The following FAM149A variants were observed in gnomAD, a reference collection of about 807,000 sequenced individuals.
FAM149A encodes the protein family with sequence similarity 149 member A.
Under a neutral mutation model 78.2 loss-of-function variants are expected in FAM149A, and 71 were observed. The observed-to-expected ratio is 0.91, with a 90% CI of 0.75 to 1.11. FAM149A has a LOEUF of 1.11. Ranked by LOEUF, FAM149A falls within the 50% of genes least tolerant of loss-of-function variation. FAM149A has a pLI of 0.00. For synonymous variants in FAM149A, 446 were observed against 410.5 expected (o/e 1.09, Z -1.04); for missense variants, 1,036 against 971.0 (o/e 1.07, Z -0.89).
intron 1 of FAM149A, among the ~76,000 whole-genome samples, chr4:186,129,761 GTT>G (rs2099319795): frequency 6.6e-6 from 1 of 152,158 alleles, no homozygotes; most frequent in Non-Finnish European, 1.5e-5. Flanking sequence ...ACTCTGTATT[GTT>G]TACCAGACAC....
intron 1 of FAM149A, chr4:186,109,256 C>T (rs531919838): frequency 1.1e-6 from 1 of 929,588 alleles, no homozygotes; most frequent in African/African-American, 1.8e-5. Flanking sequence ...AACTTCTAGT[C>T]AGGAAGTATT....
At chr4:186,137,713 G>A (rs541026076) in intron 1 of FAM149A, among the ~76,000 whole-genome samples, 1 of 151,788 alleles carries the variant, frequency 6.6e-6, no homozygotes, top group Admixed American at 6.6e-5. Flanking sequence ...CTATATCTTG[G>A]TTTACACAGG....
At chr4:186,147,104 A>T in intron 1 of FAM149A, 1 of 554,680 alleles carries the variant, frequency 1.8e-6, no homozygotes, top group Non-Finnish European at 2.3e-6. Context: ...CAGTGAGAGG[A>T]CAGTGCGGTG....
At chr4:186,163,276 G>T in intron 9 of FAM149A, 148 bp from the exon 10 acceptor site, 1 of 642,398 alleles carries the variant, frequency 1.6e-6, no homozygotes, top group Non-Finnish European at 2.8e-6. Flanking sequence ...AAACAGAAAT[G>T]ATGGGTCTTT....
At chr4:186,113,978 A>G (rs62348025) in intron 1 of FAM149A, among the ~76,000 whole-genome samples, 38,613 of 149,014 alleles carry the variant, frequency 0.26, 5,574 homozygotes, top group East Asian at 0.51. Context: ...TGATCTGTCT[A>G]ATGTTGACAG....
chr4:186,167,517 A>C, intron 13 of FAM149A: 1 of 364,480 alleles, frequency 2.7e-6, no homozygotes, highest in Non-Finnish European at 5.0e-6. Context: ...CACTCAAAAA[A>C]AAAAAAAAAA....
chr4:186,137,755 TTC>T lies in FAM149A; in HGVS notation c.567-11416_567-11415del, dbSNP rs1452239821. On this transcript the variant is annotated intron_variant, in intron 1 of 13. Transcript: ENST00000389354. ...CTAGAACATGCTCATAAAAGAAAAA[TTC>T]TGTTATCATTTAATATCATATTTAT... Among the ~76,000 whole-genome samples the T allele has an allele frequency of 3.9e-5, 6 of 152,112 alleles. No individual in the cohort carries two copies. In the East Asian group the frequency reaches 9.7e-4, roughly 24 times the overall value.
intron 1 of FAM149A, chr4:186,131,907 C>A: frequency 1.0e-6 from 1 of 985,424 alleles, no homozygotes; most frequent in Non-Finnish European, 1.2e-6. Flanking sequence ...TTTTAAATGA[C>A]CCCAAACAAG....
intron 7 of FAM149A, 102 bp downstream of exon 7, chr4:186,156,292 G>A: frequency 1.2e-6 from 1 of 817,242 alleles, no homozygotes; most frequent in East Asian, 2.5e-5. Context: ...CGTGACCAGT[G>A]AGAAGACAAG....
At chr4:186,120,772 C>T (rs1230204233) in intron 1 of FAM149A, among the ~76,000 whole-genome samples, 3 of 114,838 alleles carry the variant, frequency 2.6e-5, no homozygotes, top group East Asian at 2.6e-4. Context: ...CCAGCCTGGG[C>T]GACAGAGCAA....
intron 1 of FAM149A, among the ~76,000 whole-genome samples, chr4:186,106,145 A>G (rs1035484101): frequency 2.0e-5 from 3 of 152,126 alleles, no homozygotes; most frequent in African/African-American, 7.2e-5. Flanking sequence ...TAATTTACAT[A>G]TGCATGACAT....
At chr4:186,129,848 C>G (rs1479732070) in intron 1 of FAM149A, among the ~76,000 whole-genome samples, 1 of 152,154 alleles carries the variant, frequency 6.6e-6, no homozygotes, top group Non-Finnish European at 1.5e-5. Flanking sequence ...AATATTCCAA[C>G]TAAAAGGAAG....
At chr4:186,107,113 A>G (rs1312748660) in intron 1 of FAM149A, among the ~76,000 whole-genome samples, 1 of 152,182 alleles carries the variant, frequency 6.6e-6, no homozygotes, top group Non-Finnish European at 1.5e-5. Flanking sequence ...GAGGAATTAG[A>G]TCTTTGTTAT....
intron 1 of FAM149A, among the ~76,000 whole-genome samples, chr4:186,137,477 G>T (rs1561396896): frequency 6.6e-6 from 1 of 152,044 alleles, no homozygotes; most frequent in Non-Finnish European, 1.5e-5. Flanking sequence ...ACTGTTCACT[G>T]AAATGCTGAC....
chr4:186,140,875 A>G (rs2099325522), intron 1 of FAM149A, among the ~76,000 whole-genome samples: 1 of 152,266 alleles, frequency 6.6e-6, no homozygotes. Flanking sequence ...ATTTGTATAT[A>G]TCTGTATAAA....
chr4:186,152,409 G>T (rs1733654346), intron 4 of FAM149A, among the ~76,000 whole-genome samples: 1 of 152,126 alleles, frequency 6.6e-6, no homozygotes, highest in South Asian at 2.1e-4. Context: ...GAGATGATTT[G>T]CTGAACGGCT....
rs377314469 is a variant in FAM149A, at chr4:186,156,220, A to G, written c.1420+30A>G. On this transcript the variant is annotated intron_variant, in intron 7 of 13. Coordinates refer to ENST00000389354, the MANE Select transcript of FAM149A (RefSeq NM_001367768.3). The stretch of plus-strand genomic sequence containing the variant: ...TTACATGCAGAATTTAGCTTAATGA[A>G]AAGAAAAAGTCCCTGTTCTTCGGCC... The G allele has an allele frequency of 3.8e-5, 60 of 1,586,382 alleles. 1 individual carries two copies. Among genetic ancestry groups the G allele is most frequent in the East Asian group, 3.6e-4 (16 of 44,430 alleles).
intron 1 of FAM149A, among the ~76,000 whole-genome samples, chr4:186,112,224 T>C (rs1232146230): frequency 6.6e-6 from 1 of 151,178 alleles, no homozygotes; most frequent in Non-Finnish European, 1.5e-5. Context: ...TAAGAATGCT[T>C]GTGATTTTTG....
At position 186,105,382 on chromosome 4, in the gene FAM149A, A is replaced by G; in HGVS notation, c.306A>G (p.Arg102=). ...TGCTCTCTTGGCCCAGTAGCCCTAG[A>G]GCGGGTAAAGCCCCGCCCCAGCCCC... The change falls in exon 1 of 14, where the codon AGA becomes AGG. Residue 102 remains arginine (R), a synonymous_variant. Transcript: ENST00000389354. The G allele has an allele frequency of 8.4e-7, 1 of 1,184,446 alleles. No individual in the cohort carries two copies. The highest frequency in any genetic ancestry group is 1.5e-5 in the South Asian group (1 of 65,282). The allele number at this position is 1,184,446 out of a possible 1,614,324, so 73.4% of individuals were successfully genotyped here.
Sources: gnomAD v4.1 joint callset for allele counts (sites outside exome capture counted in the v4.1 genomes callset) on GRCh38, gnomAD v4.1.1 for gene constraint, MANE v1.5 for transcripts, NCBI Gene and HGNC (gene_info 2026-07-23, HGNC 2026-07-21) for gene names.